ZCCHC7: variants seen among roughly 807,000 people sequenced by gnomAD.
The protein encoded by ZCCHC7 is zinc finger CCHC domain-containing protein 7.
Under a neutral mutation model 52.0 loss-of-function variants are expected in ZCCHC7, and 35 were observed. The observed-to-expected ratio is 0.67, with a 90% CI of 0.51 to 0.89. The LOEUF is 0.89. Among genes scored for constraint, ZCCHC7 ranks in the 40% least tolerant of loss-of-function variants. The pLI, the probability that ZCCHC7 is intolerant of heterozygous loss-of-function variation, is 0.00. For missense variants in ZCCHC7, 574 were observed against 649.1 expected (o/e 0.88, Z 1.26); for synonymous variants, 217 against 221.5 (o/e 0.98, Z 0.18).
In ZCCHC7 at chr9:37,323,788, G is replaced by A. The variant is rs553090549; in HGVS notation, c.952-4011G>A. ...CCTTCTAGGAGAAATTATATTTCAC[G>A]TATACTCAAAGTATATGTACAATAG... On this transcript the variant is annotated intron_variant, in intron 5 of 8. Coordinates refer to ENST00000336755, the MANE Select transcript of ZCCHC7 (RefSeq NM_032226.3). Among the ~76,000 whole-genome samples, 126 of 152,236 alleles carry A rather than the reference G, an allele frequency of 8.3e-4. 1 individual carries two copies. The highest frequency in any genetic ancestry group is 2.8e-3 in the African/African-American group (117 of 41,530).
At chr9:37,166,495 T>C (rs1821429713) in intron 2 of ZCCHC7, among the ~76,000 whole-genome samples, 1 of 152,202 alleles carries the variant, frequency 6.6e-6, no homozygotes, top group South Asian at 2.1e-4. Context: ...TTTAATGACT[T>C]TCTCAAGGAA....
intron 6 of ZCCHC7, among the ~76,000 whole-genome samples, chr9:37,330,913 A>G (rs978326903): frequency 6.6e-6 from 1 of 151,742 alleles, no homozygotes; most frequent in South Asian, 2.1e-4. Flanking sequence ...ATGATTTGAC[A>G]TGAGTTGGAC....
chr9:37,164,584 AAAGAAAAG>A (rs1471829244), intron 2 of ZCCHC7, among the ~76,000 whole-genome samples: 3 of 152,038 alleles, frequency 2.0e-5, no homozygotes. Context: ...AAGAGAAAGA[AAAGAAAAG>A]AAGAAAAGAA....
chr9:37,239,487 G>A (rs867071486), intron 2 of ZCCHC7, among the ~76,000 whole-genome samples: 14 of 152,076 alleles, frequency 9.2e-5, no homozygotes, highest in African/African-American at 2.4e-4. Flanking sequence ...AAAAGAAAGC[G>A]ATTGGTTGCT....
chr9:37,314,916 T>G (rs1829747898), intron 5 of ZCCHC7, among the ~76,000 whole-genome samples: 1 of 152,166 alleles, frequency 6.6e-6, no homozygotes, highest in Non-Finnish European at 1.5e-5. Context: ...GCCAGCATAC[T>G]AATCAATTCT....
At chr9:37,285,484 A>C (rs1233745439) in intron 2 of ZCCHC7, among the ~76,000 whole-genome samples, 1 of 151,832 alleles carries the variant, frequency 6.6e-6, no homozygotes, top group Non-Finnish European at 1.5e-5. Context: ...TATTGGTTGT[A>C]CTGTAAATAG....
chr9:37,354,007 T>C lies in ZCCHC7; in HGVS notation c.1084-703T>C, dbSNP rs899712459. Among the ~76,000 whole-genome samples the C allele has an allele frequency of 3.3e-5, 5 of 152,108 alleles. No homozygotes were observed. The highest frequency in any genetic ancestry group is 1.2e-4 in the African/African-American group (5 of 41,414). ...GGCCAAAGCCTATGGATTTGGGAAATACTAGCTGGGTAGAGGCCAGAGTCA... is the reference window on the plus strand; with the variant it reads ...GGCCAAAGCCTATGGATTTGGGAAACACTAGCTGGGTAGAGGCCAGAGTCA... On this transcript the variant is annotated intron_variant, in intron 7 of 8. Coordinates refer to ENST00000336755, the MANE Select transcript of ZCCHC7 (RefSeq NM_032226.3). This position sits in a 1 kb window ranked among gnomAD's most constrained non-coding sequence, Gnocchi z 4.0.
chr9:37,173,494 G>A (rs1483864045), intron 2 of ZCCHC7, among the ~76,000 whole-genome samples: 1 of 152,188 alleles, frequency 6.6e-6, no homozygotes, highest in Non-Finnish European at 1.5e-5. Flanking sequence ...CTTTAACAGA[G>A]ATCTCTGATG....
chr9:37,136,496 C>T (rs1229034148), intron 2 of ZCCHC7, among the ~76,000 whole-genome samples: 2 of 150,808 alleles, frequency 1.3e-5, no homozygotes, highest in Admixed American at 6.6e-5. Context: ...GTCTTGCTCT[C>T]ACCCAGGCAG....
rs73646366 is a variant in ZCCHC7, at chr9:37,329,103, A to G, written c.987+1269A>G. Among the ~76,000 whole-genome samples, 791 of 151,986 alleles carry G rather than the reference A, an allele frequency of 5.2e-3. 3 individuals are homozygous for G. Among genetic ancestry groups the G allele is most frequent in the African/African-American group, 0.018 (745 of 41,546 alleles). ...CTTAATTAGAATCTAATTATATGTT[A>G]TACTTTTCAAGATGACAGAGCTACT... On this transcript the variant is annotated intron_variant, in intron 6 of 8. Transcript: ENST00000336755.
chr9:37,261,193 T>C (rs952383222), intron 2 of ZCCHC7, among the ~76,000 whole-genome samples: 12 of 152,206 alleles, frequency 7.9e-5, no homozygotes, highest in African/African-American at 2.9e-4. Context: ...AAATGTCTCA[T>C]AGCCTCATTT....
intron 2 of ZCCHC7, among the ~76,000 whole-genome samples, chr9:37,263,173 A>G (rs1161836747): frequency 1.3e-5 from 2 of 151,890 alleles, no homozygotes; most frequent in Admixed American, 1.3e-4. Context: ...GCCCATCCTT[A>G]TTTTAGACTC....
chr9:37,350,924 G>C (rs969392673), intron 7 of ZCCHC7, among the ~76,000 whole-genome samples: 1 of 152,232 alleles, frequency 6.6e-6, no homozygotes, highest in South Asian at 2.1e-4. Flanking sequence ...ACCAGATCTG[G>C]TGTCAGGAGG....
intron 2 of ZCCHC7, among the ~76,000 whole-genome samples, chr9:37,282,368 CCGAGACAGG>C (rs1453059265): frequency 3.9e-5 from 6 of 152,030 alleles, no homozygotes; most frequent in African/African-American, 7.2e-5. Flanking sequence ...CTTTGGGAGG[CCGAGACAGG>C]CGGATCACTA....
At chr9:37,214,706 A>G (rs1195061247) in intron 2 of ZCCHC7, among the ~76,000 whole-genome samples, 1 of 151,994 alleles carries the variant, frequency 6.6e-6, no homozygotes, top group Non-Finnish European at 1.5e-5. Flanking sequence ...AGCAGAGTTT[A>G]TTTTCATAAT....
chr9:37,251,271 A>G (rs1826317364), intron 2 of ZCCHC7, among the ~76,000 whole-genome samples: 1 of 152,198 alleles, frequency 6.6e-6, no homozygotes, highest in Non-Finnish European at 1.5e-5. Flanking sequence ...AAAATCAAGT[A>G]GAAAACAAAT....
intron 2 of ZCCHC7, 111 bp from the exon 3 acceptor site, chr9:37,302,077 T>G: frequency 1.2e-6 from 1 of 843,372 alleles, no homozygotes; most frequent in Non-Finnish European, 2.0e-6. Context: ...TCAACATTTC[T>G]CAGTGTACCT....
rs748333016 is a variant in ZCCHC7 at position 37,356,881 on chromosome 9, T to C, written c.1245T>C (p.Tyr415=). 3 of 1,611,384 alleles carry C rather than the reference T, an allele frequency of 1.9e-6. No homozygotes were observed. Among genetic ancestry groups the C allele is most frequent in the East Asian group, 4.5e-5 (2 of 44,842 alleles). The change falls in exon 9 of 9, where the codon TAT becomes TAC. Residue 415 remains tyrosine (Y), a synonymous_variant. Coordinates refer to ENST00000336755, the MANE Select transcript of ZCCHC7 (RefSeq NM_032226.3). ...GVIPEPSKLP[Y]IKAANENPHH... ...TCCCAGAGCCATCCAAGCTACCTTA[T>C]ATAAAAGCAGCAAATGAGAACCCCC...
intron 2 of ZCCHC7, among the ~76,000 whole-genome samples, chr9:37,239,505 G>A (rs527917714): frequency 6.6e-6 from 1 of 152,202 alleles, no homozygotes; most frequent in African/African-American, 2.4e-5. Context: ...GCTAGTAAAA[G>A]AACTGAACAA....
Sources: gnomAD v4.1 joint callset for allele counts (sites outside exome capture counted in the v4.1 genomes callset) on GRCh38, gnomAD v4.1.1 for gene constraint, Gnocchi (gnomAD v3.1) non-coding constraint, MANE v1.5 for transcripts, NCBI Gene and HGNC (gene_info 2026-07-23, HGNC 2026-07-21) for gene names.